Variants in BAZ2B observed in about 807,000 individuals in gnomAD.
BAZ2B encodes the protein bromodomain adjacent to zinc finger domain protein 2B.
BAZ2B carries 91 observed loss-of-function variants against 246.0 expected under a neutral mutation model. The observed-to-expected ratio is 0.37, with a 90% CI of 0.31 to 0.44. BAZ2B has a LOEUF of 0.44. Among genes scored for constraint, BAZ2B ranks in the 20% least tolerant of loss-of-function variants. BAZ2B has a pLI of 1.00. For missense variants in BAZ2B, 2,332 were observed against 2,533.7 expected (o/e 0.92, Z 1.71); for synonymous variants, 855 against 860.0 (o/e 0.99, Z 0.10).
chr2:159,478,671 G>A lies in BAZ2B; in HGVS notation c.49C>T (p.Pro17Ser), dbSNP rs201345251. 1.5e-5 allele frequency: 24 copies of A among 1,609,172 alleles called. No homozygotes were observed. ...LPSSAASSTTPTSSSTPSVAS... is the reference protein window; with the variant it reads ...LPSSAASSTTSTSSSTPSVAS... ...ACAGAAGGTGTCGAAGATGAAGTTG[G>A]TGTAGTAGAGGAGGCTGCTGAGGAT... The change falls in exon 3 of 37, where the codon CCA (proline) becomes TCA (serine). Residue 17 changes from proline to serine, a missense_variant. By Grantham distance (74) the Pro-to-Ser change is moderately conservative. Transcript: ENST00000392783.
the BAZ2B span, chr2:159,695,288 T>C: frequency 6.6e-6 from 1 of 152,186 alleles, no homozygotes; most frequent in Non-Finnish European, 1.5e-5. Context: ...TACAACCTTT[T>C]TCTCACATTC....
chr2:159,554,642 T>C (rs962826878), intron 2 of BAZ2B, among the ~76,000 whole-genome samples: 3 of 152,068 alleles, frequency 2.0e-5, no homozygotes, highest in Admixed American at 6.5e-5. Flanking sequence ...ATTATTGATA[T>C]GTGAATTTAT....
intron 1 of BAZ2B, among the ~76,000 whole-genome samples, chr2:159,610,133 G>A (rs1694393797): frequency 2.0e-5 from 3 of 152,094 alleles, no homozygotes; most frequent in Non-Finnish European, 4.4e-5. Context: ...CAGGCAATAT[G>A]ACAATGATCT....
rs1484178148 is a variant in BAZ2B at position 159,325,786 on chromosome 2, G to C, written c.6076C>G (p.Leu2026Val). ...TTGAGGTCTTTGTTTCCTCTTTTTA[G>C]TGAACTACTTGTAGATGCAGAGTCT... Reference protein sequence around the residue: ...DEDSASTSSSLKRGNKDLKKR... With the variant: ...DEDSASTSSSVKRGNKDLKKR... The change falls in exon 35 of 37, where the codon CTA (leucine) becomes GTA (valine). Residue 2026 changes from leucine to valine, a missense_variant. Coordinates refer to ENST00000392783, the MANE Select transcript of BAZ2B (RefSeq NM_013450.4). 1.2e-6 allele frequency: 2 copies of C among 1,606,390 alleles called. No homozygotes were observed. The highest frequency in any genetic ancestry group is 1.7e-6 in the Non-Finnish European group (2 of 1,177,970).
intron 6 of BAZ2B, 55 bp from the exon 7 acceptor site, chr2:159,439,267 T>G (rs2072951977): frequency 7.0e-7 from 1 of 1,429,704 alleles, no homozygotes. Context: ...CATTCAAGTT[T>G]CAATAAAAGG....
rs750624552 is a variant in BAZ2B, at chr2:159,428,300, A to T, written c.2364+11T>A. ...GCACCAAATGTACATTATTTGGTGA[A>T]AAGTATGTACCTTTATTACTTCAGG... On this transcript the variant is annotated intron_variant, in intron 12 of 36. Transcript: ENST00000392783. The T allele has an allele frequency of 1.9e-6, 3 of 1,601,654 alleles. No homozygotes were observed. In the South Asian group the frequency reaches 3.4e-5, roughly 18 times the overall value.
intron 22 of BAZ2B, 43 bp from the exon 23 acceptor site, chr2:159,385,412 TTA>T (rs760611704): frequency 6.6e-7 from 1 of 1,515,926 alleles, no homozygotes; most frequent in African/African-American, 1.4e-5. Flanking sequence ...TCACAACCAT[TTA>T]TACCATAAAA....
chr2:159,641,225 G>A, the BAZ2B span, among the ~76,000 whole-genome samples: 1 of 152,178 alleles, frequency 6.6e-6, no homozygotes, highest in East Asian at 1.9e-4. Flanking sequence ...AACCTCACCA[G>A]CATCTGTTAT....
intron 17 of BAZ2B, chr2:159,399,118 A>G (rs1002612205): frequency 4.6e-5 from 18 of 395,196 alleles, no homozygotes; most frequent in African/African-American, 2.3e-4. Flanking sequence ...TCTTAGAGTC[A>G]TAAGAATATG....
chr2:159,348,929 T>C, intron 29 of BAZ2B, 78 bp downstream of exon 29: 1 of 1,557,026 alleles, frequency 6.4e-7, no homozygotes, highest in South Asian at 1.2e-5. Context: ...TATAGAACCA[T>C]CAAATATTCA....
chr2:159,340,509 CAAAG>C (rs1247194451), intron 31 of BAZ2B, among the ~76,000 whole-genome samples: 1 of 151,952 alleles, frequency 6.6e-6, no homozygotes, highest in Non-Finnish European at 1.5e-5. Context: ...AGTCAAAAGA[CAAAG>C]AATTCTGAAA....
At position 159,461,665 on chromosome 2, in the gene BAZ2B, T is replaced by C. The variant is rs1322498272; in HGVS notation, c.146-7864A>G. On this transcript the variant is annotated intron_variant, in intron 3 of 36. Transcript: ENST00000392783. The stretch of plus-strand genomic sequence containing the variant: ...AGCAGTTCTTGACTGTTTAAAAAAA[T>C]AAATGGCTAAAACTCTTCTAAAAAT... 2.6e-5 allele frequency: 4 copies of C among 152,572 alleles called. No homozygotes were observed. In the East Asian group the frequency reaches 7.7e-4, roughly 29 times the overall value. The allele number at this position is 152,572 out of a possible 1,614,324, so 9.5% of individuals were successfully genotyped here.
chr2:159,380,009 TAC>T (rs35151742), intron 25 of BAZ2B, among the ~76,000 whole-genome samples: 4 of 150,548 alleles, frequency 2.7e-5, no homozygotes. Context: ...CTCATATACA[TAC>T]ACACACACAC....
the BAZ2B span, chr2:159,670,899 G>T: frequency 6.6e-6 from 1 of 152,166 alleles, no homozygotes; most frequent in African/African-American, 2.4e-5. Flanking sequence ...ACTGGACACA[G>T]AATTCTGGAC....
intron 1 of BAZ2B, among the ~76,000 whole-genome samples, chr2:159,601,584 G>C (rs1040731647): frequency 1.3e-5 from 2 of 152,140 alleles, no homozygotes; most frequent in African/African-American, 4.8e-5. Flanking sequence ...AGGCAGGTGT[G>C]ATGGCAGGTG....
At chr2:159,474,065 T>C (rs1577481963) in intron 3 of BAZ2B, among the ~76,000 whole-genome samples, 2 of 152,198 alleles carry the variant, frequency 1.3e-5, no homozygotes, top group African/African-American at 4.8e-5. Context: ...GTTCTATAGA[T>C]GTGTATTAGG....
chr2:159,522,831 T>A (rs1391083126), intron 2 of BAZ2B, among the ~76,000 whole-genome samples: 1 of 152,102 alleles, frequency 6.6e-6, no homozygotes, highest in African/African-American at 2.4e-5. Context: ...TAAACGAGTA[T>A]CTGTGCAATA....
chr2:159,321,611 T>C (rs2062725467), intron 36 of BAZ2B, among the ~76,000 whole-genome samples: 1 of 152,142 alleles, frequency 6.6e-6, no homozygotes, highest in Non-Finnish European at 1.5e-5. Context: ...TGAAACAACG[T>C]GGATCAAACT....
At chr2:159,640,227 G>C in the BAZ2B span, among the ~76,000 whole-genome samples, 3 of 152,110 alleles carry the variant, frequency 2.0e-5, no homozygotes, top group Non-Finnish European at 4.4e-5. Context: ...GAACTAAAGA[G>C]AGAGATAGAT....
Sources: allele counts gnomAD v4.1 joint callset (sites outside exome capture counted in the v4.1 genomes callset), GRCh38; gene constraint gnomAD v4.1.1; transcripts MANE v1.5; gene names NCBI Gene and HGNC (gene_info 2026-07-23, HGNC 2026-07-21).